OGN: variants seen among roughly 807,000 people sequenced by gnomAD.
OGN encodes mimecan.
A neutral mutation model predicts 30.8 loss-of-function variants in OGN; 19 were observed. The ratio of observed to expected loss-of-function variants is 0.62; its 90% CI spans 0.43 to 0.90. OGN has a LOEUF of 0.90. OGN is among the 40% of genes least tolerant of loss of function. The pLI, the probability that OGN is intolerant of heterozygous loss-of-function variation, is 0.00. For synonymous variants in OGN, 126 were observed against 128.3 expected (o/e 0.98, Z 0.12); for missense variants, 283 against 349.7 (o/e 0.81, Z 1.52).
At chr9:92,401,976 C>T (rs796988292) in intron 2 of OGN, among the ~76,000 whole-genome samples, 1 of 152,280 alleles carries the variant, frequency 6.6e-6, no homozygotes, top group African/African-American at 2.4e-5. Flanking sequence ...CTTCCTCCCT[C>T]TACTCTGTGT....
Position 92,385,436 on chromosome 9 carries a change from A to C in OGN, c.*184T>G. 1 of 543,558 alleles carries C rather than the reference A, an allele frequency of 1.8e-6. No homozygotes were observed. The highest frequency in any genetic ancestry group is 3.1e-5 in the East Asian group (1 of 32,566). The allele number at this position is 543,558 out of a possible 1,614,324, so 33.7% of individuals were successfully genotyped here. ...TTTCATATTACTTTGTTTCGAACGT[A>C]GACATTCAGTCTTACTTTTTACTTA... On this transcript the variant is annotated 3_prime_UTR_variant, in exon 7 of 7. Coordinates refer to ENST00000375561, the MANE Select transcript of OGN (RefSeq NM_014057.5).
chr9:92,396,480 A>G (rs1842894641), intron 3 of OGN, among the ~76,000 whole-genome samples: 1 of 152,070 alleles, frequency 6.6e-6, no homozygotes, highest in Non-Finnish European at 1.5e-5. Flanking sequence ...GACCTCGAAC[A>G]TAATACATTT....
Position 92,403,252 on chromosome 9 carries a change from C to T in OGN, c.156G>A (p.Leu52=). Residue 52 remains leucine, a synonymous_variant, in exon 2 of 7, where the codon CTG becomes CTA. Transcript: ENST00000375561. ...AAAGTACCTTAATATTTTTTCCATC[C>T]AGGTATTTATCCTCATAATCTTGGC... is the stretch of plus-strand genomic sequence containing the variant. The part of the protein sequence containing the change: ...IFSQDYEDKY[L]DGKNIKEKET... 1 of 1,578,354 alleles carries T rather than the reference C, an allele frequency of 6.3e-7. No individual in the cohort carries two copies.
In OGN at chr9:92,386,220, A is replaced by T. The variant is rs776247089; in HGVS notation, c.707T>A (p.Leu236Gln). 1.4e-5 allele frequency: 22 copies of T among 1,609,758 alleles called. No homozygotes were observed. Among genetic ancestry groups the T allele is most frequent in the Non-Finnish European group, 1.9e-5 (22 of 1,176,202 alleles). The change falls in exon 6 of 7, where the codon CTA becomes CAA. Residue 236 changes from leucine to glutamine, a missense_variant. Leu to Gln is a moderately radical substitution (Grantham distance 113). Transcript: ENST00000375561. ...ESVPLNLPESLRVIHLQFNNI... is the reference protein window; with the variant it reads ...ESVPLNLPESQRVIHLQFNNI... ...TCATACCTGAAGATGAATTACACGT[A>T]GACTTTCTGGTAAATTAAGAGGCAC...
Position 92,385,734 on chromosome 9 carries a change from A to G in OGN, c.783T>C (p.Ser261=). ...DDTFCKANDT[S]YIRDRIEEIR... The stretch of plus-strand genomic sequence containing the variant: ...TCTCTTCAATGCGGTCCCGGATGTA[A>G]CTGGTGTCATTAGCCTTGCAGAATG... The change falls in exon 7 of 7, where the codon AGT becomes AGC. Residue 261 remains serine, a synonymous_variant. Transcript: ENST00000375561. 2 of 1,614,172 alleles carry G rather than the reference A, an allele frequency of 1.2e-6. No individual in the cohort carries two copies. Among genetic ancestry groups the G allele is most frequent in the Non-Finnish European group, 1.7e-6 (2 of 1,179,996 alleles).
At chr9:92,387,053 GAAAAAAAAAAA>G (rs903436031) in intron 5 of OGN, among the ~76,000 whole-genome samples, 1 of 50,174 alleles carries the variant, frequency 2.0e-5, no homozygotes, top group Non-Finnish European at 3.7e-5. Flanking sequence ...GTCTCAAAAA[GAAAAAAAAAAA>G]AAAAAAAAAA....
rs376268667 is a variant in OGN at position 92,384,344 on chromosome 9, T to G, written c.*1276A>C. ...GCTTAAAAATGGGAATAAGTATGTA[T>G]TCTGTACACAGAGACAACTTGATTT... On this transcript the variant is annotated 3_prime_UTR_variant, in exon 7 of 7. Transcript: ENST00000375561. 3 of 152,176 alleles carry G rather than the reference T, an allele frequency of 2.0e-5. No individual in the cohort carries two copies. Among genetic ancestry groups the G allele is most frequent in the East Asian group, 3.9e-4 (2 of 5,194 alleles). 9.4% of individuals were successfully genotyped at this position (152,176 alleles called of 1,614,324 possible).
chr9:92,399,320 A>T (rs978240940), intron 3 of OGN, among the ~76,000 whole-genome samples: 2 of 152,096 alleles, frequency 1.3e-5, no homozygotes, highest in African/African-American at 2.4e-5. Flanking sequence ...TTGAACACTT[A>T]TTTGGGTTAA....
Position 92,386,306 on chromosome 9 carries a change from A to G in OGN, c.631-10T>C, listed in dbSNP as rs1223560241. 1.9e-6 allele frequency: 3 copies of G among 1,574,988 alleles called. No individual in the cohort carries two copies. Among genetic ancestry groups the G allele is most frequent in the African/African-American group, 1.3e-5 (1 of 74,124 alleles). On this transcript the variant is annotated splice_polypyrimidine_tract_variant and intron_variant, in intron 5 of 6. Coordinates refer to ENST00000375561, the MANE Select transcript of OGN (RefSeq NM_014057.5). The stretch of plus-strand genomic sequence containing the variant: ...TGAGGTTATTCAGTTTCTGTAAGGA[A>G]AATTTCATGTGAGTGTTATTGAGGT...
chr9:92,388,405 G>A (rs1043499204), intron 5 of OGN, among the ~76,000 whole-genome samples: 1 of 151,814 alleles, frequency 6.6e-6, no homozygotes, highest in Non-Finnish European at 1.5e-5. Flanking sequence ...CAAGTGATCC[G>A]CCTGCCTCAT....
chr9:92,390,636 G>A (rs865825495), intron 4 of OGN, among the ~76,000 whole-genome samples: 3 of 152,010 alleles, frequency 2.0e-5, no homozygotes, highest in Non-Finnish European at 4.4e-5. Context: ...GGATAATTAG[G>A]AAATCAATTG....
intron 3 of OGN, among the ~76,000 whole-genome samples, chr9:92,398,128 T>A (rs902964731): frequency 4.6e-5 from 7 of 152,322 alleles, no homozygotes; most frequent in African/African-American, 1.7e-4. Context: ...ACAAACCTAC[T>A]CACTGGAACT....
In OGN at chr9:92,390,563, A is replaced by AGTGTGT. The variant is rs61628295; in HGVS notation, c.428-513_428-508dup. On this transcript the variant is annotated intron_variant, in intron 4 of 6. Coordinates refer to ENST00000375561, the MANE Select transcript of OGN (RefSeq NM_014057.5). ...GTGACACAGATTGAGAGAGAAATTC[A>AGTGTGT]GTGTGTGTGTGTGTGTGTGTGTGTG... 1.5e-3 allele frequency among the ~76,000 whole-genome samples: 224 copies of AGTGTGT among 150,552 alleles called. 1 individual carries two copies. Among genetic ancestry groups the AGTGTGT allele is most frequent in the Middle Eastern group, 3.4e-3 (1 of 294 alleles).
intron 3 of OGN, among the ~76,000 whole-genome samples, chr9:92,394,606 T>C (rs1842817758): frequency 6.6e-6 from 1 of 151,788 alleles, no homozygotes. Flanking sequence ...ATTTTTTGAA[T>C]TTTTTTTCTT....
At chr9:92,391,432 T>G (rs1842681038) in intron 4 of OGN, among the ~76,000 whole-genome samples, 1 of 149,702 alleles carries the variant, frequency 6.7e-6, no homozygotes, top group Non-Finnish European at 1.5e-5. Flanking sequence ...TAAATTAAAT[T>G]AAATTACAAT....
intron 3 of OGN, among the ~76,000 whole-genome samples, chr9:92,394,643 C>T (rs899195312): frequency 2.6e-5 from 4 of 151,548 alleles, no homozygotes; most frequent in African/African-American, 4.9e-5. Context: ...CTCGCTTCGT[C>T]ACCCAGGTTG....
intron 1 of OGN, chr9:92,403,705 T>G: frequency 1.1e-6 from 1 of 916,520 alleles, no homozygotes. Flanking sequence ...TTTAAGTTTC[T>G]TAATAATTAA....
chr9:92,385,939 A>G, intron 6 of OGN, 149 bp from the exon 7 acceptor site: 1 of 714,706 alleles, frequency 1.4e-6, no homozygotes, highest in Non-Finnish European at 2.3e-6. Context: ...ACTCAAATGT[A>G]CACCTGGAGA....
chr9:92,391,011 T>G (rs1019974313), intron 4 of OGN, among the ~76,000 whole-genome samples: 3 of 152,064 alleles, frequency 2.0e-5, no homozygotes, highest in Admixed American at 2.0e-4. Flanking sequence ...ATGCCTGTAA[T>G]CCTAGCACTT....
Sources: gnomAD v4.1 joint callset for allele counts (sites outside exome capture counted in the v4.1 genomes callset) on GRCh38, gnomAD v4.1.1 for gene constraint, MANE v1.5 for transcripts, NCBI Gene and HGNC (gene_info 2026-07-23, HGNC 2026-07-21) for gene names.